HIP1R: variants seen among roughly 807,000 people sequenced by gnomAD.
HIP1R encodes the protein huntingtin-interacting protein 1-related protein.
Under a neutral mutation model 144.2 loss-of-function variants are expected in HIP1R, and 135 were observed. The observed-to-expected ratio is 0.94, with a 90% CI of 0.81 to 1.08. The LOEUF (loss-of-function observed/expected upper bound fraction) is 1.08, where lower values mean the gene tolerates loss of function less well. Ranked by LOEUF, HIP1R falls within the 50% of genes least tolerant of loss-of-function variation. The pLI is 0.00. For synonymous variants in HIP1R, 698 were observed against 612.8 expected (o/e 1.14, Z -2.05); for missense variants, 1,462 against 1,432.8 (o/e 1.02, Z -0.33).
At position 122,848,010 on chromosome 12, in the gene HIP1R, C is replaced by G. The variant is rs369412426; in HGVS notation, c.94-21C>G. 2.5e-6 allele frequency: 4 copies of G among 1,613,110 alleles called. No individual in the cohort carries two copies. The East Asian group carries it at 6.7e-5, about 27-fold the overall frequency. On this transcript the variant is annotated intron_variant, in intron 1 of 31. Transcript: ENST00000253083. ...GGGTGGCTGCCTGGGGCTCTAAACA[C>G]TGCTCCTTTGTCCCTCACAGGCCAT...
rs944655817 is a variant in HIP1R, at chr12:122,862,566, G to C, written c.*813G>C. The C allele has an allele frequency of 6.6e-6, 1 of 152,278 alleles. No individual in the cohort carries two copies. Among genetic ancestry groups the C allele is most frequent in the African/African-American group, 2.4e-5 (1 of 41,450 alleles). The allele number at this position is 152,278 out of a possible 1,614,324, so 9.4% of individuals were successfully genotyped here. Reference sequence around the variant, plus strand: ...TGGTTTCCAGCCCTCCGGAGAGTGGGCTTGGCCCTAGGCCCTCCAGCTCAG... The same window carrying C: ...TGGTTTCCAGCCCTCCGGAGAGTGGCCTTGGCCCTAGGCCCTCCAGCTCAG... On this transcript the variant is annotated 3_prime_UTR_variant, in exon 32 of 32. Transcript: ENST00000253083.
At chr12:122,854,810 T>G in intron 8 of HIP1R, 95 bp from the exon 9 acceptor site, 1 of 1,318,044 alleles carries the variant, frequency 7.6e-7, no homozygotes, top group Admixed American at 2.1e-5. Context: ...TGATCTCTGA[T>G]CTGTGAGTTT....
At chr12:122,839,498 A>G (rs1400344642) in intron 1 of HIP1R, among the ~76,000 whole-genome samples, 5 of 152,162 alleles carry the variant, frequency 3.3e-5, no homozygotes, top group South Asian at 2.1e-4. Flanking sequence ...CATAGGTCCA[A>G]TTTTCCAGGT....
Position 122,856,731 on chromosome 12 carries a change from A to C in HIP1R, c.1620+5A>C. The stretch of plus-strand genomic sequence containing the variant: ...GCCCTGAGCCACACAGAGCAGGTGC[A>C]TCTGGCTTTGATGACTGGAGGTGGG... On this transcript the variant is annotated splice_donor_5th_base_variant and intron_variant, in intron 17 of 31. Transcript: ENST00000253083. 6.4e-7 allele frequency: 1 copy of C among 1,566,194 alleles called. No individual in the cohort carries two copies. The highest frequency in any genetic ancestry group is 1.2e-5 in the South Asian group (1 of 85,476).
rs760342830 is a variant in HIP1R at position 122,856,645 on chromosome 12, G to C, written c.1539G>C (p.Gln513His). Residue 513 changes from glutamine to histidine, a missense_variant, in exon 17 of 32, where the codon CAG becomes CAC. By Grantham distance (24) the Gln-to-His change is conservative. Coordinates refer to ENST00000253083, the MANE Select transcript of HIP1R (RefSeq NM_003959.3). ...SELKLEEKSD[Q>H]LEKLKRELEA... ...CCCAGCTAGAGGAGAAGAGCGACCA[G>C]CTGGAGAAGCTCAAGAGGGAGCTGG... 1 of 1,604,922 alleles carries C rather than the reference G, an allele frequency of 6.2e-7. No individual in the cohort carries two copies. Among genetic ancestry groups the C allele is most frequent in the Non-Finnish European group, 8.5e-7 (1 of 1,175,890 alleles).
At chr12:122,848,181 C>G (rs563418222) in intron 2 of HIP1R, 87 bp downstream of exon 2, 1 of 1,421,000 alleles carries the variant, frequency 7.0e-7, no homozygotes, top group Non-Finnish European at 9.9e-7. Context: ...TCAGCTGTGC[C>G]GGGGTCACAA....
chr12:122,860,293 C>T, intron 26 of HIP1R, 83 bp downstream of exon 26: 1 of 1,535,724 alleles, frequency 6.5e-7, no homozygotes, highest in Non-Finnish European at 8.8e-7. Flanking sequence ...GACCCTCCAC[C>T]CCCTACCACA....
Position 122,836,657 on chromosome 12 carries a change from G to A in HIP1R, c.93+1014G>A, listed in dbSNP as rs1192979067. ...ACTCTAGAGATAAAGGAAGCCAGAG[G>A]ACCCCTCCCACTCCTGTCTAAAGCA... is the stretch of plus-strand genomic sequence containing the variant. On this transcript the variant is annotated intron_variant, in intron 1 of 31. Transcript: ENST00000253083. This position sits in a 1 kb window ranked among gnomAD's most constrained non-coding sequence, Gnocchi z 4.1. Among the ~76,000 whole-genome samples the A allele has an allele frequency of 2.0e-5, 3 of 152,156 alleles. No homozygotes were observed. Among genetic ancestry groups the A allele is most frequent in the African/African-American group, 7.2e-5 (3 of 41,424 alleles).
At chr12:122,845,446 T>C (rs1282717037) in intron 1 of HIP1R, among the ~76,000 whole-genome samples, 1 of 152,194 alleles carries the variant, frequency 6.6e-6, no homozygotes, top group Non-Finnish European at 1.5e-5. Flanking sequence ...CCACGGATCC[T>C]GTCCCCTGCC....
chr12:122,861,564 C>T (rs762258507), intron 31 of HIP1R, 50 bp downstream of exon 31: 5 of 1,577,714 alleles, frequency 3.2e-6, no homozygotes, highest in East Asian at 2.3e-5. Context: ...GTGCTGTCCC[C>T]AGCCCTAGAG....
rs559238917 is a variant in HIP1R at position 122,859,504 on chromosome 12, G to A, written c.2374G>A (p.Ala792Thr). The change falls in exon 23 of 32, where the codon GCA becomes ACA. Residue 792 changes from alanine (A) to threonine (T), a missense_variant. Ala to Thr is a moderately conservative substitution (Grantham distance 58). This residue lies in a region of HIP1R where 1,112 missense variants were observed against 1,011.7 expected (regional missense o/e 1.10). Coordinates refer to ENST00000253083, the MANE Select transcript of HIP1R (RefSeq NM_003959.3). Reference protein sequence around the residue: ...VVDKEMAATSAAIEDAVRRIE... With the variant: ...VVDKEMAATSTAIEDAVRRIE... ...CGACAAGGAGATGGCGGCCACATCC[G>A]CAGCCATTGAAGATGCTGTGCGGAG... 1.9e-5 allele frequency: 30 copies of A among 1,613,110 alleles called. No individual in the cohort carries two copies. The highest frequency in any genetic ancestry group is 1.3e-4 in the Admixed American group (8 of 60,022).
Position 122,862,122 on chromosome 12 carries a change from G to A in HIP1R, c.*369G>A, listed in dbSNP as rs769798444. The A allele has an allele frequency of 1.5e-5, 3 of 200,886 alleles. No individual in the cohort carries two copies. The highest frequency in any genetic ancestry group is 2.0e-5 in the Non-Finnish European group (2 of 100,500). 12.4% of individuals were successfully genotyped at this position (200,886 alleles called of 1,614,324 possible). A position where few individuals can be genotyped will look rare whatever the true frequency, so the allele number is the denominator to read the frequency against. ...TTTGTAGTCAGCACACTGGGAAACC[G>A]GGCCAGCGTGGGGCTCCCTGCCTTC... is the stretch of plus-strand genomic sequence containing the variant. On this transcript the variant is annotated 3_prime_UTR_variant, in exon 32 of 32. Transcript: ENST00000253083.
intron 1 of HIP1R, among the ~76,000 whole-genome samples, chr12:122,844,425 C>T (rs189649707): frequency 2.0e-5 from 3 of 152,310 alleles, no homozygotes; most frequent in African/African-American, 7.2e-5. Context: ...TGTGCCTGGT[C>T]CCCCTCCATT....
rs750581774 is a variant in HIP1R, at chr12:122,860,516, C to A, written c.2653C>A (p.Gln885Lys). 6.2e-7 allele frequency: 1 copy of A among 1,611,012 alleles called. No individual in the cohort carries two copies. The highest frequency in any genetic ancestry group is 1.1e-5 in the South Asian group (1 of 91,034). The change falls in exon 27 of 32, where the codon CAG becomes AAG. Residue 885 changes from glutamine (Q) to lysine (K), a missense_variant. By Grantham distance (53) the Gln-to-Lys change is moderately conservative (BLOSUM62 1). Transcript: ENST00000253083. ...CAAGGCTGTGGGCTGGGGAGCCACA[C>A]AGCTGGTGTAGGTTGCCCTGGGTGG... is the stretch of plus-strand genomic sequence containing the variant. ...ASKAVGWGAT[Q>K]LVEAADKVVL...
intron 1 of HIP1R, among the ~76,000 whole-genome samples, chr12:122,837,549 C>T (rs567460269): frequency 2.0e-5 from 3 of 152,178 alleles, no homozygotes; most frequent in South Asian, 4.1e-4. Context: ...GAACTCCTGA[C>T]CTCAGGCGAT....
rs534345389 is a variant in HIP1R at position 122,840,282 on chromosome 12, C to T, written c.93+4639C>T. ...ATGCCCATGACACATTCCTGAGCGCCGCTTGCTGTCTTACCATTTGGCCTG... is the reference window on the plus strand; with the variant it reads ...ATGCCCATGACACATTCCTGAGCGCTGCTTGCTGTCTTACCATTTGGCCTG... On this transcript the variant is annotated intron_variant, in intron 1 of 31. Transcript: ENST00000253083. The surrounding 1 kb of genome is among the most constrained non-coding windows in gnomAD (Gnocchi z 4.2). Among the ~76,000 whole-genome samples the T allele has an allele frequency of 5.3e-5, 8 of 152,362 alleles. No individual in the cohort carries two copies. In the East Asian group the frequency reaches 1.5e-3, roughly 29 times the overall value.
Position 122,861,718 on chromosome 12 carries a change from G to C in HIP1R, c.3172G>C (p.Asp1058His), listed in dbSNP as rs895119629. ...PRQDHQLDKK[D>H]GIYPAQLVNY ...TTAACCCCTGCAGCTTGACAAAAAG[G>C]ATGGCATCTACCCAGCTCAACTCGT... is the stretch of plus-strand genomic sequence containing the variant. The change falls in exon 32 of 32, where the codon GAT (aspartate) becomes CAT (histidine). Residue 1058 changes from aspartate (D) to histidine (H), a missense_variant. Asp to His is a moderately conservative substitution (Grantham distance 81, BLOSUM62 -1). Around this residue, in one of 2 missense-constraint regions of HIP1R, gnomAD observed 1,112 missense variants for 1,011.7 expected, o/e 1.10. Coordinates refer to ENST00000253083, the MANE Select transcript of HIP1R (RefSeq NM_003959.3). 1 of 1,614,126 alleles carries C rather than the reference G, an allele frequency of 6.2e-7. No homozygotes were observed. Among genetic ancestry groups the C allele is most frequent in the Non-Finnish European group, 8.5e-7 (1 of 1,180,018 alleles).
Position 122,856,413 on chromosome 12 carries a change from C to T in HIP1R, c.1402-19C>T. 4.4e-6 allele frequency: 7 copies of T among 1,602,304 alleles called. No individual in the cohort carries two copies. The highest frequency in any genetic ancestry group is 1.7e-5 in the Admixed American group (1 of 57,878). On this transcript the variant is annotated intron_variant, in intron 15 of 31. Coordinates refer to ENST00000253083, the MANE Select transcript of HIP1R (RefSeq NM_003959.3). ...TCGGGGATGGCAGCAGAGCATGAGC[C>T]CTTCCCCTGCCCATGCAGAACGCGG...
At chr12:122,847,638 G>A (rs2033246692) in intron 1 of HIP1R, among the ~76,000 whole-genome samples, 2 of 152,204 alleles carry the variant, frequency 1.3e-5, no homozygotes, top group Admixed American at 6.5e-5. Context: ...GGCCCCAGCC[G>A]GGGGCTCCAG....
Sources: allele counts gnomAD v4.1 joint callset (sites outside exome capture counted in the v4.1 genomes callset), GRCh38; gene constraint gnomAD v4.1.1; regional missense constraint gnomAD v4.1.1; non-coding constraint Gnocchi (gnomAD v3.1); transcripts MANE v1.5; gene names NCBI Gene and HGNC (gene_info 2026-07-23, HGNC 2026-07-21).